Variants in PASD1 observed in about 807,000 individuals in gnomAD.
The protein encoded by PASD1 is circadian clock protein PASD1.
In PASD1, 13 loss-of-function variants were observed where a neutral mutation model predicts 58.8. The observed-to-expected ratio is 0.22, with a 90% CI of 0.14 to 0.35. The LOEUF (loss-of-function observed/expected upper bound fraction) is 0.35, where lower values mean the gene tolerates loss of function less well. PASD1 is among the 10% of genes least tolerant of loss of function. The pLI is 1.00. For synonymous variants in PASD1, 236 were observed against 216.7 expected, an observed-to-expected ratio of 1.09 and a Z score of -0.78; for missense variants, 734 against 568.3, an observed-to-expected ratio of 1.29 and a Z score of -2.96.
chrX:151,636,244 G>A lies in PASD1; in HGVS notation c.629+10714G>A, dbSNP rs151037889. 6.5e-3 allele frequency among the ~76,000 whole-genome samples: 729 copies of A among 111,398 alleles called. 7 individuals are homozygous for A. The highest frequency in any genetic ancestry group is 0.022 in the African/African-American group (675 of 30,698). On this transcript the variant is annotated intron_variant, in intron 8 of 15. Transcript: ENST00000370357. ...TACGTATCAGTAGTTCATTCTTTTT[G>A]TTGCTGAGGAGTATTCTATTGTATG... is the stretch of plus-strand genomic sequence containing the variant.
chrX:151,593,459 T>G (rs926911081), intron 1 of PASD1, among the ~76,000 whole-genome samples: 3 of 103,776 alleles, frequency 2.9e-5, no homozygotes, highest in Non-Finnish European at 5.9e-5. Context: ...GTGTTCTCAT[T>G]GTTTGATTCC....
At chrX:151,665,713 T>C (rs1294163507) in intron 11 of PASD1, among the ~76,000 whole-genome samples, 3 of 111,186 alleles carry the variant, frequency 2.7e-5, no homozygotes, top group Non-Finnish European at 5.7e-5. Context: ...AAGTCCTCTC[T>C]CCTTCGATGG....
chrX:151,621,668 T>C (rs1199899002), intron 6 of PASD1, 76 bp downstream of exon 6: 1 of 666,886 alleles, frequency 1.5e-6, no homozygotes, highest in Non-Finnish European at 2.2e-6. Context: ...TAAATGCTCT[T>C]CTGCTTGGTA....
chrX:151,617,991 C>T (rs967314151), intron 4 of PASD1, among the ~76,000 whole-genome samples: 1 of 111,675 alleles, frequency 9.0e-6, no homozygotes, highest in Non-Finnish European at 1.9e-5. Context: ...ACAGAGGTAA[C>T]CCAGTTTGGC....
intron 3 of PASD1, among the ~76,000 whole-genome samples, chrX:151,606,816 A>G (rs142078257): frequency 9.0e-6 from 1 of 111,206 alleles, no homozygotes; most frequent in Non-Finnish European, 1.9e-5. Flanking sequence ...AAAGTGCCTT[A>G]CCAGATCTGC....
At chrX:151,596,197 A>G (rs1204868592) in intron 1 of PASD1, among the ~76,000 whole-genome samples, 1 of 111,878 alleles carries the variant, frequency 8.9e-6, no homozygotes. Flanking sequence ...GGTTTATTTA[A>G]CTCAAGGTTC....
intron 3 of PASD1, among the ~76,000 whole-genome samples, chrX:151,607,704 T>C (rs1356045798): frequency 8.9e-6 from 1 of 111,966 alleles, no homozygotes; most frequent in Non-Finnish European, 1.9e-5. Flanking sequence ...ACCCAGGATG[T>C]TAGCAATTCT....
At position 151,618,145 on chromosome X, in the gene PASD1, A is replaced by G. The variant is rs1055093036; in HGVS notation, c.208-2785A>G. ...TCAAGATGTATTGCCTGTTAATTCC[A>G]TAATGTTTTGTTTGCTAGATTAAGG... On this transcript the variant is annotated intron_variant, in intron 4 of 15. Transcript: ENST00000370357. Among the ~76,000 whole-genome samples the G allele has an allele frequency of 2.7e-5, 3 of 112,133 alleles. No homozygotes were observed. In the Admixed American group the frequency reaches 2.8e-4, roughly 11 times the overall value.
intron 9 of PASD1, among the ~76,000 whole-genome samples, chrX:151,654,794 T>A (rs1028886890): frequency 9.0e-6 from 1 of 111,249 alleles, no homozygotes; most frequent in African/African-American, 3.3e-5. Context: ...AAATAAGAGA[T>A]AAGATATAGA....
chrX:151,566,178 T>TTAA (rs1259312172), intron 1 of PASD1, among the ~76,000 whole-genome samples: 5 of 112,390 alleles, frequency 4.4e-5, no homozygotes, highest in Non-Finnish European at 9.4e-5. Context: ...AAGATGCAGC[T>TTAA]TTTAGGGAGT....
chrX:151,653,868 C>CTCCCTCCTTCTTTCTTTCTT (rs1556202852), intron 9 of PASD1, among the ~76,000 whole-genome samples: 2 of 16,462 alleles, frequency 1.2e-4, no homozygotes, highest in African/African-American at 2.2e-4. Flanking sequence ...CCCTCCCTCC[C>CTCCCTCCTTCTTTCTTTCTT]TCTTTCTTTC....
intron 1 of PASD1, among the ~76,000 whole-genome samples, chrX:151,584,013 T>C (rs927671165): frequency 8.9e-6 from 1 of 111,856 alleles, no homozygotes; most frequent in South Asian, 3.8e-4. Context: ...ACAAGGTTGG[T>C]ATATAGGCAC....
chrX:151,566,479 C>T (rs140467379), intron 1 of PASD1, among the ~76,000 whole-genome samples: 1,234 of 111,546 alleles, frequency 0.011, 15 homozygotes, highest in African/African-American at 0.038. Context: ...AGGAGGTGAC[C>T]AGGTGAGGGT....
chrX:151,630,859 C>G (rs184542075), intron 8 of PASD1, among the ~76,000 whole-genome samples: 1 of 112,464 alleles, frequency 8.9e-6, no homozygotes, highest in African/African-American at 3.2e-5. Flanking sequence ...GCTTAAAAAT[C>G]TTTCATTTCA....
chrX:151,578,833 A>G, intron 1 of PASD1, among the ~76,000 whole-genome samples: 1 of 112,374 alleles, frequency 8.9e-6, no homozygotes, highest in Non-Finnish European at 1.9e-5. Context: ...GTGGTGAACA[A>G]AAAGTCTCCT....
At chrX:151,610,325 A>G (rs1366002089) in intron 3 of PASD1, among the ~76,000 whole-genome samples, 10 of 111,390 alleles carry the variant, frequency 9.0e-5, no homozygotes, top group African/African-American at 3.3e-4. Flanking sequence ...CTAACATGCT[A>G]CTTAACCTAT....
intron 9 of PASD1, among the ~76,000 whole-genome samples, chrX:151,650,712 G>T (rs893785709): frequency 8.0e-5 from 9 of 111,889 alleles, no homozygotes; most frequent in African/African-American, 2.6e-4. Context: ...TGACACAACA[G>T]TTTTCATGAT....
At chrX:151,660,793 C>T in intron 10 of PASD1, among the ~76,000 whole-genome samples, 1 of 112,374 alleles carries the variant, frequency 8.9e-6, no homozygotes, top group African/African-American at 3.2e-5. Context: ...CAAGTAACTC[C>T]TGGGTTTCTC....
intron 4 of PASD1, among the ~76,000 whole-genome samples, chrX:151,613,102 A>T (rs1224882876): frequency 8.9e-6 from 1 of 111,816 alleles, no homozygotes; most frequent in African/African-American, 3.3e-5. Flanking sequence ...TGTTTTTGTC[A>T]GGTTTGTCAA....
Sources: allele counts gnomAD v4.1 joint callset (sites outside exome capture counted in the v4.1 genomes callset), GRCh38; gene constraint gnomAD v4.1.1; transcripts MANE v1.5; gene names NCBI Gene and HGNC (gene_info 2026-07-23, HGNC 2026-07-21).